The following SLC14A2 variants were observed in gnomAD, a reference collection of about 807,000 sequenced individuals.
SLC14A2 encodes the protein urea transporter 2.
Under a neutral mutation model 104.6 loss-of-function variants are expected in SLC14A2, and 91 were observed. The observed-to-expected ratio is 0.87, with a 90% CI of 0.73 to 1.04. The LOEUF is 1.04. SLC14A2 is among the 50% of genes least tolerant of loss of function. SLC14A2 has a pLI of 0.00. For missense variants in SLC14A2, 1,189 were observed against 1,156.0 expected, an observed-to-expected ratio of 1.03 and a Z score of -0.41; for synonymous variants, 476 against 466.4, an observed-to-expected ratio of 1.02 and a Z score of -0.27.
chr18:45,675,710 T>TATATATATATA (rs1555639293), intron 18 of SLC14A2, among the ~76,000 whole-genome samples: 3 of 46,216 alleles, frequency 6.5e-5, no homozygotes, highest in East Asian at 1.6e-3. Flanking sequence ...TATATATATA[T>TATATATATATA]TTTTTTTTTT....
chr18:45,336,529 C>CA (rs1568157175), intron 1 of SLC14A2, among the ~76,000 whole-genome samples: 1 of 152,006 alleles, frequency 6.6e-6, no homozygotes, highest in Admixed American at 6.5e-5. Flanking sequence ...TGGTGGTGCA[C>CA]CTAGTAATGT....
At chr18:45,194,266 C>A in the SLC14A2 span, among the ~76,000 whole-genome samples, 1 of 152,150 alleles carries the variant, frequency 6.6e-6, no homozygotes, top group South Asian at 2.1e-4. Context: ...AAAACCTTGC[C>A]TTGTTCCTGA....
In SLC14A2 at chr18:45,682,630, C is replaced by T. The variant is rs1568009347; in HGVS notation, c.*111C>T. 1.2e-6 allele frequency: 1 copy of T among 840,640 alleles called. No homozygotes were observed. Among genetic ancestry groups the T allele is most frequent in the East Asian group, 2.5e-5 (1 of 40,366 alleles). The allele number at this position is 840,640 out of a possible 1,614,324, so 52.1% of individuals were successfully genotyped here. On this transcript the variant is annotated 3_prime_UTR_variant, in exon 20 of 20. Transcript: ENST00000255226. ...CTTTGGTCTGTTCTGTGACTCTCTC[C>T]CCAAACACAAAGAAGCGTGTATGTA...
chr18:45,470,871 C>A (rs903975434), intron 1 of SLC14A2, among the ~76,000 whole-genome samples: 4 of 152,010 alleles, frequency 2.6e-5, no homozygotes, highest in Non-Finnish European at 5.9e-5. Context: ...AACCTTTGAC[C>A]CTTGGCTACC....
rs562296857 is a variant in SLC14A2, at chr18:45,361,125, C to T, written c.-124-122108C>T. On this transcript the variant is annotated intron_variant, in intron 1 of 20. Coordinates refer to the SLC14A2 transcript ENST00000586448. ...CCCAGCTAGAAGTCCCCTCTCCTCT[C>T]TCTGAGACCTGATAGCATTTTGTGT... 4.6e-5 allele frequency among the ~76,000 whole-genome samples: 7 copies of T among 152,324 alleles called. No individual in the cohort carries two copies. In the East Asian group the frequency reaches 9.6e-4, roughly 21 times the overall value.
At chr18:45,201,201 G>A in the SLC14A2 span, among the ~76,000 whole-genome samples, 1 of 151,964 alleles carries the variant, frequency 6.6e-6, no homozygotes, top group African/African-American at 2.4e-5. Flanking sequence ...GATATCATTT[G>A]TGATGTCTGA....
At chr18:45,261,019 CT>C (rs79986548) in intron 1 of SLC14A2, among the ~76,000 whole-genome samples, 7,894 of 147,016 alleles carry the variant, frequency 0.054, 386 homozygotes, top group East Asian at 0.18. Flanking sequence ...CTCTTAATTT[CT>C]TTTTTTTTTT....
At chr18:45,181,736 TTAA>T in the SLC14A2 span, among the ~76,000 whole-genome samples, 1 of 152,152 alleles carries the variant, frequency 6.6e-6, no homozygotes, top group Non-Finnish European at 1.5e-5. Context: ...TATGTACCAA[TTAA>T]TAACATCAAA....
At chr18:45,297,373 T>C (rs2084926862) in intron 1 of SLC14A2, among the ~76,000 whole-genome samples, 1 of 152,234 alleles carries the variant, frequency 6.6e-6, no homozygotes, top group African/African-American at 2.4e-5. Context: ...TCAGGCCAGA[T>C]TTGGTTAGCA....
At chr18:45,270,683 C>T (rs35962720) in intron 1 of SLC14A2, among the ~76,000 whole-genome samples, 15,401 of 152,078 alleles carry the variant, frequency 0.1, 1,680 homozygotes, top group African/African-American at 0.25. Flanking sequence ...ATAAAGAAAA[C>T]TGATATTTGT....
Position 45,666,932 on chromosome 18 carries a change from C to T in SLC14A2, c.1558-3C>T, listed in dbSNP as rs1476008304. 4 of 1,613,360 alleles carry T rather than the reference C, an allele frequency of 2.5e-6. No homozygotes were observed. The highest frequency in any genetic ancestry group is 3.4e-6 in the Non-Finnish European group (4 of 1,179,420). ...GACTCTTGCCTATCTCTGTCCTGGA[C>T]AGGATCTGGACACCATGGAGGAGAG... On this transcript the variant is annotated splice_region_variant and splice_polypyrimidine_tract_variant and intron_variant, in intron 12 of 19. Transcript: ENST00000255226.
chr18:45,177,446 CT>C, the SLC14A2 span, among the ~76,000 whole-genome samples: 5 of 152,182 alleles, frequency 3.3e-5, no homozygotes, highest in Non-Finnish European at 7.3e-5. Flanking sequence ...GCCTAGGCTA[CT>C]TTTCCAAAGC....
chr18:45,315,987 T>C (rs896503005), intron 1 of SLC14A2, among the ~76,000 whole-genome samples: 6 of 152,210 alleles, frequency 3.9e-5, no homozygotes, highest in African/African-American at 1.4e-4. Flanking sequence ...GAGAATTTGC[T>C]TGTTAGACTT....
intron 1 of SLC14A2, among the ~76,000 whole-genome samples, chr18:45,453,563 C>A (rs1179124282): frequency 1.3e-5 from 2 of 152,142 alleles, no homozygotes; most frequent in East Asian, 3.8e-4. Flanking sequence ...CTGTCTTTAA[C>A]ATTTTGGTGT....
the SLC14A2 span, among the ~76,000 whole-genome samples, chr18:45,202,518 T>G: frequency 6.6e-6 from 1 of 152,026 alleles, no homozygotes; most frequent in Non-Finnish European, 1.5e-5. Flanking sequence ...CATTGGGGAG[T>G]AAAATATTAT....
At chr18:45,216,083 A>G (rs2084008224) in intron 1 of SLC14A2, among the ~76,000 whole-genome samples, 2 of 152,204 alleles carry the variant, frequency 1.3e-5, no homozygotes, top group Admixed American at 1.3e-4. Context: ...GGGTCAGAAA[A>G]TAAAAGAATA....
Position 45,624,834 on chromosome 18 carries a change from G to A in SLC14A2, c.150+20G>A, listed in dbSNP as rs1169749776. 2 of 1,586,138 alleles carry A rather than the reference G, an allele frequency of 1.3e-6. No individual in the cohort carries two copies. The highest frequency in any genetic ancestry group is 2.7e-5 in the African/African-American group (2 of 73,984). ...GAAAAGGTGAGAAGTGTCCCTCCTA[G>A]GATGTTTCCTGGGAGGGAGGGGATG... On this transcript the variant is annotated intron_variant, in intron 2 of 19. Coordinates refer to ENST00000255226, the MANE Select transcript of SLC14A2 (RefSeq NM_007163.4).
intron 1 of SLC14A2, among the ~76,000 whole-genome samples, chr18:45,621,870 AG>A: frequency 6.6e-6 from 1 of 152,336 alleles, no homozygotes; most frequent in South Asian, 2.1e-4. Flanking sequence ...GCAGAAGTGT[AG>A]GGGTTGACCA....
chr18:45,325,365 G>T (rs982190688), intron 1 of SLC14A2, among the ~76,000 whole-genome samples: 6 of 152,156 alleles, frequency 3.9e-5, no homozygotes, highest in Non-Finnish European at 4.4e-5. Context: ...GCTGGGAAAT[G>T]GATATATTCA....
Sources: allele counts gnomAD v4.1 joint callset (sites outside exome capture counted in the v4.1 genomes callset), GRCh38; gene constraint gnomAD v4.1.1; transcripts MANE v1.5; gene names NCBI Gene and HGNC (gene_info 2026-07-23, HGNC 2026-07-21).